TBC1D4: variants seen among roughly 807,000 people sequenced by gnomAD.
TBC1D4 encodes the protein TBC (Tre-2, BUB2, CDC16) domain-containing protein.
In TBC1D4, 121 loss-of-function variants were observed where a neutral mutation model predicts 142.5. The observed-to-expected ratio is 0.85, with a 90% CI of 0.73 to 0.99. TBC1D4 has a LOEUF of 0.99. Ranked by LOEUF, TBC1D4 falls within the 50% of genes least tolerant of loss-of-function variation. The pLI is 0.00. For synonymous variants in TBC1D4, 630 were observed against 628.2 expected, an observed-to-expected ratio of 1.00 and a Z score of -0.04; for missense variants, 1,475 against 1,606.6, an observed-to-expected ratio of 0.92 and a Z score of 1.40.
At chr13:75,324,763 A>T (rs1003171190) in intron 10 of TBC1D4, among the ~76,000 whole-genome samples, 15 of 152,246 alleles carry the variant, frequency 9.9e-5, no homozygotes, top group African/African-American at 3.4e-4. Flanking sequence ...CAAGTTCCAG[A>T]AGGAAGGACT....
At chr13:75,458,143 T>C (rs1205105661) in intron 1 of TBC1D4, among the ~76,000 whole-genome samples, 1 of 152,120 alleles carries the variant, frequency 6.6e-6, no homozygotes, top group Non-Finnish European at 1.5e-5. Flanking sequence ...ATCAGGTCAC[T>C]CGGACTTGAA....
intron 1 of TBC1D4, among the ~76,000 whole-genome samples, chr13:75,447,079 C>A (rs1887316017): frequency 6.6e-6 from 1 of 152,116 alleles, no homozygotes; most frequent in African/African-American, 2.4e-5. Context: ...TCACTGTGCA[C>A]AAAGATATAC....
Position 75,327,838 on chromosome 13 carries a change from G to C in TBC1D4, c.1732-12C>G. On this transcript the variant is annotated splice_polypyrimidine_tract_variant and intron_variant, in intron 8 of 20. Coordinates refer to ENST00000377636, the MANE Select transcript of TBC1D4 (RefSeq NM_014832.5). ...ATTCTGTTAGCTCCCTGAGTGAAAA[G>C]AATAAAATTAAGTGCTTCGTGTGAT... is the stretch of plus-strand genomic sequence containing the variant. 6.2e-7 allele frequency: 1 copy of C among 1,613,708 alleles called. No individual in the cohort carries two copies. Among genetic ancestry groups the C allele is most frequent in the Non-Finnish European group, 8.5e-7 (1 of 1,179,726 alleles).
In TBC1D4 at chr13:75,341,559, C is replaced by G. The variant is rs751265875; in HGVS notation, c.1437G>C (p.Val479=). ...TCAGTGATGAGAGATGCCTCTGTAT[C>G]ACCAGCTTGGCTCTTGGTGGGTAGA... The part of the protein sequence containing the change: ...EGLYPPRAKL[V]IQRHLSSLTD... The change falls in exon 6 of 21, where the codon GTG becomes GTC. Residue 479 remains valine, a synonymous_variant. Transcript: ENST00000377636. The G allele has an allele frequency of 6.2e-7, 1 of 1,614,030 alleles. No homozygotes were observed.
Position 75,481,815 on chromosome 13 carries a change from G to T in TBC1D4, c.-48C>A. ...CGCGGAGGCCGGCCGGGCGCACCGCGCCCCCCACTCCCGCGCAGAAGGCGC... is the reference window on the plus strand; with the variant it reads ...CGCGGAGGCCGGCCGGGCGCACCGCTCCCCCCACTCCCGCGCAGAAGGCGC... On this transcript the variant is annotated 5_prime_UTR_variant, in exon 1 of 21. Coordinates refer to ENST00000377636, the MANE Select transcript of TBC1D4 (RefSeq NM_014832.5). The T allele has an allele frequency of 6.9e-7, 1 of 1,450,200 alleles. No individual in the cohort carries two copies. 89.8% of individuals were successfully genotyped at this position (1,450,200 alleles called of 1,614,324 possible). A position where few individuals can be genotyped will look rare whatever the true frequency, so the allele number is the denominator to read the frequency against.
chr13:75,310,993 T>C (rs1417133039), intron 13 of TBC1D4, among the ~76,000 whole-genome samples: 2 of 152,220 alleles, frequency 1.3e-5, no homozygotes. Context: ...TTATTTTTCA[T>C]GGCTGTGCAG....
chr13:75,316,185 G>C (rs763180841), intron 12 of TBC1D4, among the ~76,000 whole-genome samples: 10 of 152,120 alleles, frequency 6.6e-5, no homozygotes, highest in Non-Finnish European at 1.2e-4. Flanking sequence ...GACATATCAA[G>C]TGTTTAGAAC....
intron 1 of TBC1D4, among the ~76,000 whole-genome samples, chr13:75,390,848 G>A (rs1382474816): frequency 4.5e-3 from 1 of 224 alleles, no homozygotes. Flanking sequence ...GGAAGGAAGG[G>A]AGGGGAGGGG....
chr13:75,286,977 A>G lies in TBC1D4; in HGVS notation c.3712T>C (p.Leu1238=). ...QALESNLENL[L]TRETKMKSLI... is the part of the protein sequence containing the mutation. ...GACTTCATTTTGGTCTCTCTCGTCA[A>G]AAGATTTTCCAGGTTTGATTCCAAG... is the stretch of plus-strand genomic sequence containing the variant. Residue 1238 remains leucine, a synonymous_variant, in exon 21 of 21, where the codon TTG becomes CTG. Coordinates refer to ENST00000377636, the MANE Select transcript of TBC1D4 (RefSeq NM_014832.5). 1 of 1,613,918 alleles carries G rather than the reference A, an allele frequency of 6.2e-7. No homozygotes were observed. The highest frequency in any genetic ancestry group is 1.6e-4 in the Middle Eastern group (1 of 6,062).
At chr13:75,393,814 C>T (rs1486357658) in intron 1 of TBC1D4, among the ~76,000 whole-genome samples, 1 of 151,824 alleles carries the variant, frequency 6.6e-6, no homozygotes, top group African/African-American at 2.4e-5. Flanking sequence ...GCCTGTAATC[C>T]CTGCTACTCT....
At chr13:75,370,501 G>A (rs1235690098) in intron 1 of TBC1D4, among the ~76,000 whole-genome samples, 2 of 152,184 alleles carry the variant, frequency 1.3e-5, no homozygotes, top group Non-Finnish European at 2.9e-5. Flanking sequence ...GAGGTGGTTA[G>A]GCAGCTGCCA....
chr13:75,356,715 G>A (rs1485034882), intron 3 of TBC1D4, among the ~76,000 whole-genome samples: 1 of 152,102 alleles, frequency 6.6e-6, no homozygotes, highest in African/African-American at 2.4e-5. Flanking sequence ...AGAATTATTG[G>A]AATGTTTGTC....
intron 11 of TBC1D4, among the ~76,000 whole-genome samples, chr13:75,320,867 C>CAAAAAAAA (rs148657060): frequency 2.0e-3 from 171 of 84,290 alleles, no homozygotes; most frequent in Non-Finnish European, 2.8e-3. Context: ...ACTAAAAATA[C>CAAAAAAAA]AAAAAAAAAA....
intron 1 of TBC1D4, among the ~76,000 whole-genome samples, chr13:75,470,675 C>T (rs1159889525): frequency 6.6e-6 from 1 of 152,096 alleles, no homozygotes; most frequent in East Asian, 1.9e-4. Context: ...AAGCAAAAGA[C>T]AGATAAAAAT....
At chr13:75,313,075 A>C (rs758038805) in intron 12 of TBC1D4, among the ~76,000 whole-genome samples, 177 bp from the exon 13 acceptor site, 28 of 152,154 alleles carry the variant, frequency 1.8e-4, no homozygotes, top group Non-Finnish European at 3.4e-4. Context: ...CATCCTGGGG[A>C]AACAGCAATC....
rs749215838 is a variant in TBC1D4, at chr13:75,326,167, A to T, written c.2033+30T>A. The T allele has an allele frequency of 1.9e-6, 3 of 1,609,498 alleles. No individual in the cohort carries two copies. In the South Asian group the frequency reaches 3.3e-5, roughly 18 times the overall value. On this transcript the variant is annotated intron_variant, in intron 10 of 20. Transcript: ENST00000377636. Reference sequence around the variant, plus strand: ...TCAAAACTGTGTGCCTTGAGAATCTAGGTCTCATTCTGGAGAGGGTCAGAC... The same window carrying T: ...TCAAAACTGTGTGCCTTGAGAATCTTGGTCTCATTCTGGAGAGGGTCAGAC...
chr13:75,441,125 G>A (rs140588303), intron 1 of TBC1D4, among the ~76,000 whole-genome samples: 4,614 of 152,034 alleles, frequency 0.03, 251 homozygotes, highest in African/African-American at 0.1. Flanking sequence ...GCATGGTGGC[G>A]GGAACCTGTA....
chr13:75,299,146 A>G (rs1315651757), intron 17 of TBC1D4, among the ~76,000 whole-genome samples, 184 bp downstream of exon 17: 1 of 152,218 alleles, frequency 6.6e-6, no homozygotes, highest in East Asian at 1.9e-4. Context: ...TGGGTCTCAT[A>G]CACTTAGAAG....
At chr13:75,371,776 T>C (rs569274413) in intron 1 of TBC1D4, among the ~76,000 whole-genome samples, 1 of 152,302 alleles carries the variant, frequency 6.6e-6, no homozygotes, top group Admixed American at 6.5e-5. Flanking sequence ...TAGGTAAAAC[T>C]GTTTTCTCTG....
Sources: gnomAD v4.1 joint callset for allele counts (sites outside exome capture counted in the v4.1 genomes callset) on GRCh38, gnomAD v4.1.1 for gene constraint, MANE v1.5 for transcripts, NCBI Gene and HGNC (gene_info 2026-07-23, HGNC 2026-07-21) for gene names.